LTA4H: variants seen among roughly 807,000 people sequenced by gnomAD.
LTA4H encodes the protein leukotriene A-4 hydrolase.
A neutral mutation model predicts 89.8 loss-of-function variants in LTA4H; 59 were observed. The observed-to-expected ratio is 0.66, with a 90% CI of 0.53 to 0.82. The LOEUF is 0.82. Among genes scored for constraint, LTA4H ranks in the 40% least tolerant of loss-of-function variants. The pLI is 0.00. For synonymous variants in LTA4H, 227 were observed against 253.1 expected, an observed-to-expected ratio of 0.90 and a Z score of 0.98; for missense variants, 617 against 727.0, an observed-to-expected ratio of 0.85 and a Z score of 1.74.
chr12:96,035,545 C>G lies in LTA4H; in HGVS notation c.-26G>C. ...GGCTCTGGGGGATCACACAGCACAG[C>G]GACCTACAGCCCAACGCTCAGCTAC... is the stretch of plus-strand genomic sequence containing the variant. On this transcript the variant is annotated 5_prime_UTR_variant, in exon 1 of 19. Coordinates refer to ENST00000228740, the MANE Select transcript of LTA4H (RefSeq NM_000895.3). The G allele has an allele frequency of 6.3e-7, 1 of 1,579,280 alleles. No individual in the cohort carries two copies. Among genetic ancestry groups the G allele is most frequent in the Non-Finnish European group, 8.6e-7 (1 of 1,159,248 alleles).
At chr12:96,013,284 T>A in intron 13 of LTA4H, 26 bp from the exon 14 acceptor site, 1 of 1,519,218 alleles carries the variant, frequency 6.6e-7, no homozygotes, top group Non-Finnish European at 9.1e-7. Context: ...ATTCACAGTT[T>A]ACAATAGAAT....
intron 10 of LTA4H, among the ~76,000 whole-genome samples, chr12:96,016,474 A>G (rs1950376928): frequency 6.6e-6 from 1 of 150,850 alleles, no homozygotes; most frequent in South Asian, 2.1e-4. Flanking sequence ...AGCCAGGCAT[A>G]GTGGCATGCG....
intron 3 of LTA4H, 82 bp from the exon 4 acceptor site, chr12:96,024,629 T>G: frequency 1.2e-6 from 1 of 866,214 alleles, no homozygotes; most frequent in Non-Finnish European, 1.9e-6. Context: ...TGCAGCATTG[T>G]TCTTAGACAT....
At chr12:96,009,184 C>G in intron 14 of LTA4H, 36 bp from the exon 15 acceptor site, 1 of 1,447,528 alleles carries the variant, frequency 6.9e-7, no homozygotes, top group Non-Finnish European at 9.7e-7. Context: ...TAAAAATGCA[C>G]GTGCTTTTGC....
chr12:96,025,823 T>C (rs1950507442), intron 3 of LTA4H, among the ~76,000 whole-genome samples: 1 of 135,526 alleles, frequency 7.4e-6, no homozygotes, highest in African/African-American at 2.8e-5. Context: ...CAAGACCCTG[T>C]CTCCAAAAAA....
At chr12:96,002,203 A>G (rs1287297007) in intron 18 of LTA4H, among the ~76,000 whole-genome samples, 2 of 152,226 alleles carry the variant, frequency 1.3e-5, no homozygotes, top group Non-Finnish European at 2.9e-5. Flanking sequence ...ACTTTACTCA[A>G]TTCAAAGCTA....
At chr12:96,006,040 G>T (rs975818935) in intron 16 of LTA4H, among the ~76,000 whole-genome samples, 2 of 152,080 alleles carry the variant, frequency 1.3e-5, no homozygotes, top group Non-Finnish European at 2.9e-5. Context: ...GAGCCACCGT[G>T]CCTGGCTTAT....
chr12:96,027,712 G>GTCTTACCCACTGA, intron 2 of LTA4H, 148 bp from the exon 3 acceptor site: 1 of 439,212 alleles, frequency 2.3e-6, no homozygotes, highest in South Asian at 3.3e-5. Flanking sequence ...CACATCCTCA[G>GTCTTACCCACTGA]TGGGTAAGTC....
At chr12:96,023,130 C>T (rs1222225318) in intron 4 of LTA4H, among the ~76,000 whole-genome samples, 1 of 152,168 alleles carries the variant, frequency 6.6e-6, no homozygotes, top group Non-Finnish European at 1.5e-5. Context: ...AATGATCAAA[C>T]AAGAATATAT....
At chr12:96,035,623 G>A (rs1417507149), upstream of LTA4H, 24 of 1,453,624 alleles carry the variant, frequency 1.7e-5, no homozygotes, top group Non-Finnish European at 1.7e-5. Flanking sequence ...AAGAAGAGGA[G>A]GAGGGATTCG....
At chr12:96,040,193 G>A (rs957260534), upstream of LTA4H, among the ~76,000 whole-genome samples, 7 of 152,218 alleles carry the variant, frequency 4.6e-5, no homozygotes, top group African/African-American at 7.2e-5. Flanking sequence ...GAATCAAGGC[G>A]TGGGGCCAGA....
intron 10 of LTA4H, among the ~76,000 whole-genome samples, chr12:96,016,605 TA>T (rs1003743583): frequency 1.1e-3 from 136 of 124,554 alleles, no homozygotes; most frequent in Middle Eastern, 5.8e-3. Flanking sequence ...TGTCTCCAAT[TA>T]AAAAAAAAAA....
intron 6 of LTA4H, 28 bp from the exon 7 acceptor site, chr12:96,019,268 A>G: frequency 1.3e-6 from 2 of 1,580,854 alleles, no homozygotes; most frequent in Non-Finnish European, 1.7e-6. Flanking sequence ...TTAATAAAAA[A>G]GAAATTCATG....
intron 16 of LTA4H, among the ~76,000 whole-genome samples, chr12:96,005,032 TC>T (rs1392873558): frequency 8.5e-5 from 13 of 152,172 alleles, no homozygotes; most frequent in Admixed American, 8.5e-4. Context: ...CACAGAAAAT[TC>T]CGCTCCAAAT....
At chr12:96,009,271 T>G (rs1950258096) in intron 14 of LTA4H, 123 bp from the exon 15 acceptor site, 1 of 657,994 alleles carries the variant, frequency 1.5e-6, no homozygotes, top group Non-Finnish European at 2.6e-6. Flanking sequence ...AACTCCAAAG[T>G]GAGGAAAATA....
chr12:96,027,406 A>G (rs1434593867), intron 3 of LTA4H, 38 bp downstream of exon 3: 1 of 1,546,932 alleles, frequency 6.5e-7, no homozygotes, highest in South Asian at 1.2e-5. Flanking sequence ...AGGTGCTGAA[A>G]TTTTCTGCAT....
intron 15 of LTA4H, among the ~76,000 whole-genome samples, chr12:96,008,888 C>T (rs1950250554): frequency 6.6e-6 from 1 of 151,790 alleles, no homozygotes; most frequent in Admixed American, 6.5e-5. Context: ...CACTGTAGTC[C>T]AGCCTGGGCA....
chr12:96,000,876 C>A lies in LTA4H; in HGVS notation c.*113G>T. 1.4e-6 allele frequency: 1 copy of A among 721,860 alleles called. No homozygotes were observed. Among genetic ancestry groups the A allele is most frequent in the Non-Finnish European group, 2.3e-6 (1 of 426,160 alleles). 44.7% of individuals were successfully genotyped at this position (721,860 alleles called of 1,614,324 possible). On this transcript the variant is annotated 3_prime_UTR_variant, in exon 19 of 19. Transcript: ENST00000228740. ...TATTTCAGTAAAATCACCAACAAAACAATAAAAAGCCAAAACTAAAAAGAC... is the reference window on the plus strand; with the variant it reads ...TATTTCAGTAAAATCACCAACAAAAAAATAAAAAGCCAAAACTAAAAAGAC...
chr12:96,028,335 C>A (rs138708151), intron 2 of LTA4H, among the ~76,000 whole-genome samples: 14 of 152,222 alleles, frequency 9.2e-5, no homozygotes, highest in African/African-American at 3.1e-4. Context: ...GGGGTGAATA[C>A]CATCTACCTC....
Sources: allele counts gnomAD v4.1 joint callset (sites outside exome capture counted in the v4.1 genomes callset), GRCh38; gene constraint gnomAD v4.1.1; transcripts MANE v1.5; gene names NCBI Gene and HGNC (gene_info 2026-07-23, HGNC 2026-07-21).